FMNL2: variants seen among roughly 807,000 people sequenced by gnomAD.
FMNL2 encodes the protein formin like 2.
A neutral mutation model predicts 130.2 loss-of-function variants in FMNL2; 51 were observed. That is an observed-to-expected ratio of 0.39 (90% CI 0.31 to 0.49). The LOEUF (loss-of-function observed/expected upper bound fraction) is 0.49. Among genes scored for constraint, FMNL2 ranks in the 20% least tolerant of loss-of-function variants. FMNL2 has a pLI of 0.85. For missense variants in FMNL2, 977 were observed against 1,316.2 expected, an observed-to-expected ratio of 0.74 and a Z score of 3.99; for synonymous variants, 465 against 467.1, an observed-to-expected ratio of 1.00 and a Z score of 0.06.
chr2:152,646,681 A>G (rs746653169), intron 25 of FMNL2, among the ~76,000 whole-genome samples: 1 of 152,152 alleles, frequency 6.6e-6, no homozygotes, highest in Non-Finnish European at 1.5e-5. Context: ...GATACAAAAG[A>G]TTCAATTTGG....
chr2:152,617,814 C>G (rs1467147433), intron 13 of FMNL2, among the ~76,000 whole-genome samples: 1 of 152,196 alleles, frequency 6.6e-6, no homozygotes, highest in Non-Finnish European at 1.5e-5. Context: ...ACCAAAATGC[C>G]TGGAGAGCTT....
intron 3 of FMNL2, among the ~76,000 whole-genome samples, chr2:152,544,856 A>C (rs898926340): frequency 1.3e-5 from 2 of 152,216 alleles, no homozygotes; most frequent in Non-Finnish European, 2.9e-5. Flanking sequence ...TTTCCTTTAG[A>C]TCAGCTGTTT....
At position 152,626,620 on chromosome 2, in the gene FMNL2, G is replaced by C. The variant is rs1417597046; in HGVS notation, c.2058G>C (p.Lys686Asn). The change falls in exon 17 of 26, where the codon AAG becomes AAC. Residue 686 changes from lysine to asparagine, a missense_variant. Physicochemically the swap from Lys to Asn is moderately conservative, Grantham distance 94. Coordinates refer to ENST00000288670, the MANE Select transcript of FMNL2 (RefSeq NM_052905.4). ...CAAGCAAACAGAAGATACCACAGAA[G>C]GGATCAAACAAAGTGACATTACTAG... Reference protein sequence around the residue: ...LSSSKQKIPQKGSNKVTLLEA... With the variant: ...LSSSKQKIPQNGSNKVTLLEA... 3.1e-6 allele frequency: 5 copies of C among 1,612,854 alleles called. No individual in the cohort carries two copies. Among genetic ancestry groups the C allele is most frequent in the Non-Finnish European group, 4.2e-6 (5 of 1,179,512 alleles).
intron 25 of FMNL2, chr2:152,644,084 G>A (rs1474518560): frequency 2.2e-5 from 4 of 183,522 alleles, no homozygotes; most frequent in African/African-American, 7.1e-5. Flanking sequence ...AGCTGGGCAT[G>A]GTGGTGCACA....
At chr2:152,544,879 A>G (rs951602506) in intron 3 of FMNL2, among the ~76,000 whole-genome samples, 4 of 152,224 alleles carry the variant, frequency 2.6e-5, no homozygotes, top group Non-Finnish European at 4.4e-5. Flanking sequence ...GGGTTTAGGC[A>G]AAGAGAACAA....
chr2:152,646,954 C>T (rs1469686534), intron 25 of FMNL2, among the ~76,000 whole-genome samples: 1 of 152,210 alleles, frequency 6.6e-6, no homozygotes, highest in East Asian at 1.9e-4. Flanking sequence ...CCTCCCACTT[C>T]ATCCTGACAG....
At chr2:152,579,735 G>A (rs774033082) in intron 8 of FMNL2, among the ~76,000 whole-genome samples, 3 of 152,148 alleles carry the variant, frequency 2.0e-5, no homozygotes, top group African/African-American at 7.2e-5. Flanking sequence ...AAATAAAATT[G>A]TATATGCAGA....
At chr2:152,622,958 C>T (rs193204785) in intron 15 of FMNL2, among the ~76,000 whole-genome samples, 92 of 152,164 alleles carry the variant, frequency 6.0e-4, no homozygotes, top group African/African-American at 2.0e-3. Flanking sequence ...AGCACTCACC[C>T]GCCTTTAGCC....
chr2:152,431,993 A>C (rs1160706844), intron 1 of FMNL2, among the ~76,000 whole-genome samples: 1 of 150,992 alleles, frequency 6.6e-6, no homozygotes, highest in Admixed American at 6.6e-5. Context: ...AAAGATTTGA[A>C]AATTTAAATC....
At chr2:152,489,023 A>T (rs563756227) in intron 1 of FMNL2, among the ~76,000 whole-genome samples, 16 of 152,294 alleles carry the variant, frequency 1.1e-4, no homozygotes, top group Admixed American at 8.5e-4. Flanking sequence ...GTGAGCCACG[A>T]TGGTACCACT....
At chr2:152,554,067 A>G (rs1378830762) in intron 4 of FMNL2, among the ~76,000 whole-genome samples, 1 of 152,170 alleles carries the variant, frequency 6.6e-6, no homozygotes, top group East Asian at 1.9e-4. Flanking sequence ...ACAGATAGCT[A>G]TAATGTAGAG....
intron 1 of FMNL2, among the ~76,000 whole-genome samples, chr2:152,502,273 A>G (rs1691886133): frequency 6.6e-6 from 1 of 152,248 alleles, no homozygotes; most frequent in African/African-American, 2.4e-5. Context: ...GCGTCTATTC[A>G]TTGAATTCTT....
In FMNL2 at chr2:152,539,613, C is replaced by T. The variant is rs557025560; in HGVS notation, c.202-3126C>T. On this transcript the variant is annotated intron_variant, in intron 2 of 25. Transcript: ENST00000288670. The stretch of plus-strand genomic sequence containing the variant: ...CAAATGAAGAATATGTGGAATACAA[C>T]GACAAATGCTAAATAAGCATATTTG... Among the ~76,000 whole-genome samples the T allele has an allele frequency of 3.7e-4, 57 of 152,274 alleles. 1 individual carries two copies. Among genetic ancestry groups the T allele is most frequent in the Non-Finnish European group, 6.6e-4 (45 of 68,030 alleles).
intron 1 of FMNL2, among the ~76,000 whole-genome samples, chr2:152,356,432 G>A (rs529340063): frequency 1.3e-5 from 2 of 152,228 alleles, no homozygotes; most frequent in East Asian, 3.9e-4. Flanking sequence ...CCTGGCTAGA[G>A]GTCATTTAAT....
At chr2:152,543,265 A>C (rs1694411519) in intron 3 of FMNL2, among the ~76,000 whole-genome samples, 3 of 143,412 alleles carry the variant, frequency 2.1e-5, no homozygotes, top group African/African-American at 7.9e-5. Flanking sequence ...GCTCCCCCCT[A>C]CTCCCCCCAA....
chr2:152,538,271 GA>G (rs1240207893), intron 2 of FMNL2, among the ~76,000 whole-genome samples: 1 of 58,860 alleles, frequency 1.7e-5, no homozygotes, highest in African/African-American at 4.6e-5. Flanking sequence ...TATTTTATAT[GA>G]GGTTTTTTTT....
intron 1 of FMNL2, among the ~76,000 whole-genome samples, chr2:152,499,158 C>G (rs1691674375): frequency 6.6e-6 from 1 of 152,070 alleles, no homozygotes; most frequent in Admixed American, 6.5e-5. Context: ...AGTCAAAGTC[C>G]CAGTGGAAAA....
chr2:152,588,255 G>C (rs1697195015), intron 9 of FMNL2, among the ~76,000 whole-genome samples: 1 of 152,144 alleles, frequency 6.6e-6, no homozygotes. Flanking sequence ...AGATTCTTTG[G>C]CTTCCAGCCC....
intron 1 of FMNL2, among the ~76,000 whole-genome samples, chr2:152,484,457 C>T (rs567233133): frequency 1.3e-5 from 2 of 151,024 alleles, no homozygotes; most frequent in African/African-American, 2.4e-5. Context: ...CTGGCCAATA[C>T]AGCAAGACTG....
Sources: gnomAD v4.1 joint callset for allele counts (sites outside exome capture counted in the v4.1 genomes callset) on GRCh38, gnomAD v4.1.1 for gene constraint, MANE v1.5 for transcripts, NCBI Gene and HGNC (gene_info 2026-07-23, HGNC 2026-07-21) for gene names.